The following TNR variants were observed in gnomAD, a reference collection of about 807,000 sequenced individuals.
TNR encodes the protein tenascin-R.
In TNR, 45 loss-of-function variants were observed where a neutral mutation model predicts 150.4. The observed-to-expected ratio is 0.30, with a 90% CI of 0.24 to 0.38. TNR has a LOEUF of 0.38. Among genes scored for constraint, TNR ranks in the 10% least tolerant of loss-of-function variants. The pLI, the probability that TNR is intolerant of heterozygous loss-of-function variation, is 1.00. For missense variants in TNR, 1,544 were observed against 1,759.1 expected (o/e 0.88, Z 2.19); for synonymous variants, 687 against 678.4 (o/e 1.01, Z -0.20).
chr1:175,342,372 T>A (rs1650563880), intron 18 of TNR, among the ~76,000 whole-genome samples: 1 of 152,140 alleles, frequency 6.6e-6, no homozygotes, highest in Non-Finnish European at 1.5e-5. Flanking sequence ...GAGAAGGGTG[T>A]TCCAGACCTG....
At chr1:175,546,908 C>A (rs975638974) in intron 1 of TNR, among the ~76,000 whole-genome samples, 4 of 152,210 alleles carry the variant, frequency 2.6e-5, no homozygotes, top group Non-Finnish European at 5.9e-5. Flanking sequence ...TGACCAGAGT[C>A]AATTTTTTCC....
chr1:175,439,071 A>G (rs1470079166), intron 2 of TNR, among the ~76,000 whole-genome samples: 1 of 152,234 alleles, frequency 6.6e-6, no homozygotes, highest in East Asian at 1.9e-4. Flanking sequence ...TGCAAAGTCA[A>G]TCCTAAGCCA....
At chr1:175,554,476 G>A (rs1356038675) in intron 1 of TNR, among the ~76,000 whole-genome samples, 1 of 152,148 alleles carries the variant, frequency 6.6e-6, no homozygotes, top group Non-Finnish European at 1.5e-5. Context: ...ATTTTCTCAG[G>A]GAATTGACAG....
At chr1:175,553,054 CA>C (rs1326674912) in intron 1 of TNR, among the ~76,000 whole-genome samples, 7 of 150,826 alleles carry the variant, frequency 4.6e-5, no homozygotes, top group Non-Finnish European at 8.9e-5. Flanking sequence ...TTCAGTCTTC[CA>C]CAAACACAGG....
chr1:175,329,923 T>C, intron 21 of TNR, 151 bp downstream of exon 21: 1 of 853,686 alleles, frequency 1.2e-6, no homozygotes, highest in South Asian at 3.5e-5. Flanking sequence ...TGCCAGTGGT[T>C]CCCAGTGGCA....
chr1:175,349,780 G>A (rs1650969733), intron 18 of TNR, among the ~76,000 whole-genome samples: 1 of 152,176 alleles, frequency 6.6e-6, no homozygotes, highest in Non-Finnish European at 1.5e-5. Flanking sequence ...TTTTGGACAT[G>A]CATGGAAATG....
chr1:175,454,660 C>T (rs859456), intron 2 of TNR, among the ~76,000 whole-genome samples: 21,807 of 151,488 alleles, frequency 0.14, 4,569 homozygotes, highest in African/African-American at 0.47. Flanking sequence ...TTAGTAGAGA[C>T]GGGGTTTCAC....
intron 1 of TNR, among the ~76,000 whole-genome samples, chr1:175,704,556 TC>T (rs1666794861): frequency 1.3e-5 from 2 of 152,176 alleles, no homozygotes; most frequent in South Asian, 4.1e-4. Flanking sequence ...AGAAGGTAAT[TC>T]CCCCACCTCC....
intron 1 of TNR, among the ~76,000 whole-genome samples, chr1:175,563,296 CAA>C (rs1316558249): frequency 6.6e-6 from 1 of 152,140 alleles, no homozygotes; most frequent in African/African-American, 2.4e-5. Flanking sequence ...GGCTATGATT[CAA>C]AAAGTTTTCA....
At chr1:175,619,867 G>A (rs774810203) in intron 1 of TNR, among the ~76,000 whole-genome samples, 4 of 152,186 alleles carry the variant, frequency 2.6e-5, no homozygotes, top group Non-Finnish European at 5.9e-5. Context: ...TTGTGTGTTG[G>A]AATGAAAACA....
At chr1:175,646,257 C>T (rs957999772) in intron 1 of TNR, among the ~76,000 whole-genome samples, 22 of 152,188 alleles carry the variant, frequency 1.4e-4, no homozygotes, top group Non-Finnish European at 2.6e-4. Context: ...TACTCAGGAT[C>T]TAACACCAAT....
At chr1:175,411,388 C>T (rs743902) in intron 2 of TNR, among the ~76,000 whole-genome samples, 8,157 of 152,136 alleles carry the variant, frequency 0.054, 309 homozygotes, top group Middle Eastern at 0.17. Flanking sequence ...AGGAGCTAAC[C>T]CACTATAATA....
At chr1:175,359,513 C>T in intron 15 of TNR, 99 bp downstream of exon 15, 2 of 1,588,200 alleles carry the variant, frequency 1.3e-6, no homozygotes, top group Admixed American at 3.4e-5. Context: ...ATCTGTCCTT[C>T]AGATTGAAAA....
chr1:175,343,969 CACAA>C (rs1366631180), intron 18 of TNR, among the ~76,000 whole-genome samples: 16 of 152,086 alleles, frequency 1.1e-4, no homozygotes, highest in African/African-American at 2.2e-4. Context: ...GGACAAAATG[CACAA>C]ACAAAGTAAC....
At chr1:175,716,592 T>C (rs182406444) in intron 1 of TNR, among the ~76,000 whole-genome samples, 9 of 152,324 alleles carry the variant, frequency 5.9e-5, no homozygotes, top group Admixed American at 3.9e-4. Flanking sequence ...GGCCCCATTG[T>C]GGAACCAACC....
intron 1 of TNR, among the ~76,000 whole-genome samples, chr1:175,553,219 A>G (rs778079058): frequency 6.6e-6 from 1 of 152,188 alleles, no homozygotes; most frequent in Non-Finnish European, 1.5e-5. Context: ...CACTGTATTC[A>G]AAACATTAGG....
At chr1:175,516,556 C>T (rs975202191) in intron 2 of TNR, among the ~76,000 whole-genome samples, 1 of 152,136 alleles carries the variant, frequency 6.6e-6, no homozygotes, top group Admixed American at 6.5e-5. Context: ...AATCTAATTG[C>T]TTGAACCATT....
intron 9 of TNR, among the ~76,000 whole-genome samples, chr1:175,369,885 T>C (rs2236881): frequency 0.66 from 100,673 of 152,120 alleles, 33,805 homozygotes; most frequent in East Asian, 0.81. Flanking sequence ...AGTAGGCTTT[T>C]GTGGAGTCCA....
chr1:175,447,556 A>G (rs1656110692), intron 2 of TNR, among the ~76,000 whole-genome samples: 1 of 152,218 alleles, frequency 6.6e-6, no homozygotes, highest in African/African-American at 2.4e-5. Context: ...ATAAATCAGC[A>G]AATTGAAAAG....
Sources: allele counts gnomAD v4.1 joint callset (sites outside exome capture counted in the v4.1 genomes callset), GRCh38; gene constraint gnomAD v4.1.1; transcripts MANE v1.5; gene names NCBI Gene and HGNC (gene_info 2026-07-23, HGNC 2026-07-21).